DPYD: variants seen among roughly 807,000 people sequenced by gnomAD.
DPYD encodes dihydropyrimidine dehydrogenase [NADP(+)].
In DPYD, 109 loss-of-function variants were observed where a neutral mutation model predicts 116.2. The observed-to-expected ratio is 0.94, with a 90% CI of 0.80 to 1.10. The LOEUF is 1.10. Among genes scored for constraint, DPYD ranks in the 50% least tolerant of loss-of-function variants. The pLI is 0.00. For synonymous variants in DPYD, 440 were observed against 432.0 expected, an observed-to-expected ratio of 1.02 and a Z score of -0.23; for missense variants, 1,302 against 1,254.5, an observed-to-expected ratio of 1.04 and a Z score of -0.57.
At chr1:97,421,219 C>A (rs1172520099) in intron 14 of DPYD, among the ~76,000 whole-genome samples, 1 of 152,140 alleles carries the variant, frequency 6.6e-6, no homozygotes, top group Non-Finnish European at 1.5e-5. Context: ...TCACAACAAC[C>A]TTAAGAGTTA....
At chr1:97,414,531 G>T (rs936262415) in intron 14 of DPYD, among the ~76,000 whole-genome samples, 1 of 152,146 alleles carries the variant, frequency 6.6e-6, no homozygotes, top group Non-Finnish European at 1.5e-5. Context: ...GCATCAGAGG[G>T]GGCTCAGAAT....
chr1:97,081,689 T>C (rs533776562), intron 22 of DPYD, among the ~76,000 whole-genome samples: 1 of 150,256 alleles, frequency 6.7e-6, no homozygotes, highest in African/African-American at 2.4e-5. Context: ...AATTTTTCTT[T>C]CTTTTTCTTT....
intron 13 of DPYD, among the ~76,000 whole-genome samples, chr1:97,479,987 G>A (rs1678207350): frequency 6.6e-6 from 1 of 152,146 alleles, no homozygotes; most frequent in Admixed American, 6.5e-5. Context: ...GAATTTCTGG[G>A]AAACTTTTTT....
chr1:97,497,858 T>C (rs556610884), intron 13 of DPYD, among the ~76,000 whole-genome samples: 2 of 151,888 alleles, frequency 1.3e-5, no homozygotes, highest in South Asian at 4.1e-4. Context: ...AATATATATG[T>C]ATCTCCCCTC....
intron 4 of DPYD, among the ~76,000 whole-genome samples, chr1:97,725,154 G>C (rs1328779536): frequency 6.6e-6 from 1 of 151,564 alleles, no homozygotes; most frequent in African/African-American, 2.4e-5. Flanking sequence ...CAATATGTTA[G>C]TAATGAACAA....
At chr1:97,510,291 A>T (rs1264370564) in intron 13 of DPYD, among the ~76,000 whole-genome samples, 1 of 151,558 alleles carries the variant, frequency 6.6e-6, no homozygotes, top group Non-Finnish European at 1.5e-5. Flanking sequence ...TGCCAAACTG[A>T]ATTTCAAAAT....
chr1:97,914,890 C>G (rs556762929), intron 1 of DPYD, among the ~76,000 whole-genome samples: 34 of 152,108 alleles, frequency 2.2e-4, no homozygotes, highest in Non-Finnish European at 4.0e-4. Context: ...CTTTCATAAT[C>G]TTTTAACTTC....
rs1011942791 is a variant in DPYD, at chr1:97,580,570, T to A, written c.1129-6600A>T. ...GAAAATCAGCATTTGTAGGTAATAA[T>A]GTATGACAAACATTATTTGCTTGAC... On this transcript the variant is annotated intron_variant, in intron 10 of 22. Transcript: ENST00000370192. Among the ~76,000 whole-genome samples the A allele has an allele frequency of 4.6e-5, 7 of 152,220 alleles. No individual in the cohort carries two copies. In the East Asian group the frequency reaches 1.2e-3, roughly 25 times the overall value.
At chr1:97,896,568 T>C (rs1673081479) in intron 1 of DPYD, among the ~76,000 whole-genome samples, 1 of 151,910 alleles carries the variant, frequency 6.6e-6, no homozygotes, top group Non-Finnish European at 1.5e-5. Context: ...CACTTACACA[T>C]GATTCACCTA....
chr1:97,301,191 C>T (rs1204568022), intron 18 of DPYD, among the ~76,000 whole-genome samples: 1 of 151,888 alleles, frequency 6.6e-6, no homozygotes, highest in African/African-American at 2.4e-5. Flanking sequence ...AGAGGAGTAA[C>T]TTTGAGCTGA....
chr1:97,774,801 A>G (rs1666312395), intron 3 of DPYD: 1 of 171,100 alleles, frequency 5.8e-6, no homozygotes, highest in South Asian at 1.7e-4. Flanking sequence ...GGAAAGAACT[A>G]GGAAAAAAAA....
At chr1:97,298,682 G>C (rs1457049719) in intron 18 of DPYD, among the ~76,000 whole-genome samples, 2 of 152,152 alleles carry the variant, frequency 1.3e-5, no homozygotes, top group Admixed American at 6.6e-5. Context: ...AGTAATGCTA[G>C]AGAGTTTGGT....
intron 19 of DPYD, among the ~76,000 whole-genome samples, chr1:97,219,207 T>A (rs1391082012): frequency 6.6e-6 from 1 of 152,160 alleles, no homozygotes. Flanking sequence ...CAAAACTGAA[T>A]GTCATGAATG....
chr1:97,668,100 G>A (rs1017407080), intron 8 of DPYD, among the ~76,000 whole-genome samples: 8 of 152,092 alleles, frequency 5.3e-5, no homozygotes, highest in African/African-American at 1.7e-4. Context: ...GTTGCACAAC[G>A]ATGTGAATGT....
At chr1:97,541,181 T>C (rs1056777814) in intron 12 of DPYD, among the ~76,000 whole-genome samples, 2 of 152,212 alleles carry the variant, frequency 1.3e-5, no homozygotes, top group African/African-American at 4.8e-5. Flanking sequence ...CTTTTATTAG[T>C]TGAGTTGTCT....
At chr1:97,254,914 C>T (rs562169711) in intron 18 of DPYD, among the ~76,000 whole-genome samples, 1 of 152,156 alleles carries the variant, frequency 6.6e-6, no homozygotes, top group Admixed American at 6.6e-5. Context: ...GATGCTAGAG[C>T]TTTGGTATGT....
chr1:97,523,839 G>A (rs531937068), intron 12 of DPYD, among the ~76,000 whole-genome samples: 20 of 152,098 alleles, frequency 1.3e-4, no homozygotes, highest in African/African-American at 4.8e-4. Flanking sequence ...GACAGAGGGG[G>A]AAATGATAAA....
rs182104809 is a variant in DPYD, at chr1:97,764,605, A to T, written c.234-24126T>A. Among the ~76,000 whole-genome samples, 420 of 152,228 alleles carry T rather than the reference A, an allele frequency of 2.8e-3. 1 individual carries two copies. Among genetic ancestry groups the T allele is most frequent in the African/African-American group, 9.9e-3 (411 of 41,574 alleles). On this transcript the variant is annotated intron_variant, in intron 3 of 22. Coordinates refer to ENST00000370192, the MANE Select transcript of DPYD (RefSeq NM_000110.4). The stretch of plus-strand genomic sequence containing the variant: ...CAGTTCCCATATTTTATGTGAAAAG[A>T]AGTAAACTAGTTCTATTTATAATTA...
At chr1:97,896,909 GTTTAA>G (rs1307344275) in intron 1 of DPYD, among the ~76,000 whole-genome samples, 5 of 151,920 alleles carry the variant, frequency 3.3e-5, no homozygotes, top group Non-Finnish European at 5.9e-5. Flanking sequence ...ATACTTTACT[GTTTAA>G]TTTAAATGAC....
Sources: gnomAD v4.1 joint callset for allele counts (sites outside exome capture counted in the v4.1 genomes callset) on GRCh38, gnomAD v4.1.1 for gene constraint, MANE v1.5 for transcripts, NCBI Gene and HGNC (gene_info 2026-07-23, HGNC 2026-07-21) for gene names.